Variants in MLPH observed in about 807,000 individuals in gnomAD.
MLPH encodes the protein exophilin-3.
In MLPH, 51 loss-of-function variants were observed where a neutral mutation model predicts 72.1. That is an observed-to-expected ratio of 0.71 (90% CI 0.56 to 0.89). MLPH has a LOEUF of 0.89. Ranked by LOEUF, MLPH falls within the 40% of genes least tolerant of loss-of-function variation. The pLI is 0.00. For missense variants in MLPH, 743 were observed against 759.9 expected, an observed-to-expected ratio of 0.98 and a Z score of 0.26; for synonymous variants, 301 against 310.1, an observed-to-expected ratio of 0.97 and a Z score of 0.31.
chr2:237,513,097 G>A (rs1365337417), intron 4 of MLPH, among the ~76,000 whole-genome samples: 1 of 139,954 alleles, frequency 7.1e-6, no homozygotes, highest in African/African-American at 2.9e-5. Flanking sequence ...GGAAAGCTGT[G>A]CCTTTAAAAA....
intron 4 of MLPH, among the ~76,000 whole-genome samples, chr2:237,517,296 TGGATGGATGGATGAAC>T (rs2080058190): frequency 1.3e-5 from 2 of 148,740 alleles, no homozygotes; most frequent in South Asian, 2.1e-4. Context: ...CATGGATGCA[TGGATGGATGGATGAAC>T]GGATGGATGG....
chr2:237,527,522 G>C lies in MLPH; in HGVS notation c.1020+6G>C. ...GGGCGTCTTCTGAGAGTCAGGTAAC[G>C]GTGGCTGGAAAGACTTCTGTCTTGT... On this transcript the variant is annotated splice_donor_region_variant and intron_variant, in intron 8 of 15. Coordinates refer to ENST00000264605, the MANE Select transcript of MLPH (RefSeq NM_024101.7). 6.2e-7 allele frequency: 1 copy of C among 1,614,072 alleles called. No homozygotes were observed. Among genetic ancestry groups the C allele is most frequent in the East Asian group, 2.2e-5 (1 of 44,886 alleles).
rs1040171931 is a variant in MLPH, at chr2:237,510,583, G to C, written c.120G>C (p.Lys40Asn). Reference sequence around the variant, plus strand: ...CTGATATTTTCCCAAGGGCGTTGAAGGGCAAGATTAAGAAGGAAAGCTCCA... The same window carrying C: ...CTGATATTTTCCCAAGGGCGTTGAACGGCAAGATTAAGAAGGAAAGCTCCA... ...RKEEERLEALKGKIKKESSKR... is the reference protein window; with the variant it reads ...RKEEERLEALNGKIKKESSKR... Residue 40 changes from lysine (K) to asparagine (N), a missense_variant, in exon 3 of 16, where the codon AAG (lysine) becomes AAC (asparagine). Transcript: ENST00000264605. The surrounding 1 kb of genome is among the most constrained non-coding windows in gnomAD (Gnocchi z 4.4). The C allele has an allele frequency of 3.1e-6, 5 of 1,613,114 alleles. No homozygotes were observed. The South Asian group carries it at 5.5e-5, about 18-fold the overall frequency.
intron 4 of MLPH, among the ~76,000 whole-genome samples, chr2:237,517,288 T>A (rs575971866): frequency 6.7e-6 from 1 of 149,424 alleles, no homozygotes; most frequent in South Asian, 2.2e-4. Context: ...GGTGGATGCA[T>A]GGATGCATGG....
chr2:237,523,853 T>A (rs1329370812), intron 6 of MLPH, among the ~76,000 whole-genome samples: 1 of 152,104 alleles, frequency 6.6e-6, no homozygotes, highest in Non-Finnish European at 1.5e-5. Flanking sequence ...GCAAGATTAG[T>A]AAGATTTGCT....
chr2:237,525,915 G>T lies in MLPH; in HGVS notation c.880+110G>T, dbSNP rs898417876. 4.3e-5 allele frequency: 47 copies of T among 1,093,738 alleles called. No individual in the cohort carries two copies. The African/African-American group carries it at 6.2e-4, about 14-fold the overall frequency. The allele number at this position is 1,093,738 out of a possible 1,614,324, so 67.8% of individuals were successfully genotyped here. On this transcript the variant is annotated intron_variant, in intron 7 of 15. Coordinates refer to ENST00000264605, the MANE Select transcript of MLPH (RefSeq NM_024101.7). The stretch of plus-strand genomic sequence containing the variant: ...TCCAACACACGGGCTGATTTGAAAG[G>T]CCCCTTCCTTTGGCGTGATTGTCCG...
intron 5 of MLPH, among the ~76,000 whole-genome samples, chr2:237,519,302 T>G (rs1205890730): frequency 6.6e-6 from 1 of 152,130 alleles, no homozygotes; most frequent in East Asian, 1.9e-4. Context: ...ACCAACTCTT[T>G]GCGGCTGCTG....
At chr2:237,527,554 T>G (rs2080331937) in intron 8 of MLPH, 38 bp downstream of exon 8, 1 of 1,613,474 alleles carries the variant, frequency 6.2e-7, no homozygotes, top group Non-Finnish European at 8.5e-7. Flanking sequence ...TTGTCGTTTC[T>G]TTGGGTGGAG....
Position 237,528,123 on chromosome 2 carries a change from CAG to C in MLPH, c.1020+608_1020+609del, listed in dbSNP as rs374104102. On this transcript the variant is annotated intron_variant, in intron 8 of 15. Coordinates refer to ENST00000264605, the MANE Select transcript of MLPH (RefSeq NM_024101.7). ...AATAGTAGTCACCAGGGGCTGGGGTCAGGGGGATGGGAATTAGTGTTGAATGG... is the reference window on the plus strand; with the variant it reads ...AATAGTAGTCACCAGGGGCTGGGGTCGGGGATGGGAATTAGTGTTGAATGG... Among the ~76,000 whole-genome samples, 156 of 152,174 alleles carry C rather than the reference CAG, an allele frequency of 1.0e-3. 1 individual carries two copies. In the East Asian group the frequency reaches 0.024, roughly 23 times the overall value.
intron 4 of MLPH, among the ~76,000 whole-genome samples, chr2:237,517,759 GGA>G (rs2080081396): frequency 7.8e-6 from 1 of 128,268 alleles, no homozygotes; most frequent in South Asian, 2.5e-4. Flanking sequence ...ATGGATGGAT[GGA>G]TGGATAAGTA....
chr2:237,547,790 G>A (rs2080949472), intron 13 of MLPH, among the ~76,000 whole-genome samples: 1 of 150,614 alleles, frequency 6.6e-6, no homozygotes. Context: ...GTGTTCAGGT[G>A]GAGTGGTTAG....
At chr2:237,538,616 G>T (rs1396347963) in intron 9 of MLPH, among the ~76,000 whole-genome samples, 1 of 152,210 alleles carries the variant, frequency 6.6e-6, no homozygotes, top group African/African-American at 2.4e-5. Flanking sequence ...AAGCCTGTCT[G>T]CCTGGTGTTC....
chr2:237,491,186 G>A (rs1402638113), intron 1 of MLPH, among the ~76,000 whole-genome samples: 1 of 152,200 alleles, frequency 6.6e-6, no homozygotes, highest in Non-Finnish European at 1.5e-5. Flanking sequence ...AGCACTGATG[G>A]GAGATGCTTC....
In MLPH at chr2:237,510,299, C is replaced by T; in HGVS notation, c.111-275C>T. 4.0e-6 allele frequency: 2 copies of T among 504,780 alleles called. No individual in the cohort carries two copies. The highest frequency in any genetic ancestry group is 4.1e-5 in the South Asian group (2 of 48,232). The allele number at this position is 504,780 out of a possible 1,614,324, so 31.3% of individuals were successfully genotyped here. On this transcript the variant is annotated intron_variant, in intron 2 of 15. Coordinates refer to ENST00000264605, the MANE Select transcript of MLPH (RefSeq NM_024101.7). This position sits in a 1 kb window ranked among gnomAD's most constrained non-coding sequence, Gnocchi z 4.4. ...CAAAATTGGTACAATTGTAAACAGC[C>T]ACAGAAATGCTTAAATGCAATATCA... is the stretch of plus-strand genomic sequence containing the variant.
intron 15 of MLPH, 32 bp from the exon 16 acceptor site, chr2:237,553,534 C>T (rs766763800): frequency 1.2e-6 from 2 of 1,609,124 alleles, no homozygotes; most frequent in Admixed American, 1.7e-5. Context: ...TATGTGTGTG[C>T]TTATATGTGC....
chr2:237,509,548 CTT>C (rs879586022), intron 2 of MLPH, among the ~76,000 whole-genome samples: 4 of 152,202 alleles, frequency 2.6e-5, no homozygotes, highest in Non-Finnish European at 5.9e-5. Flanking sequence ...GGGACAAAGA[CTT>C]TACCTTGTCA....
intron 7 of MLPH, 101 bp from the exon 8 acceptor site, chr2:237,527,276 C>G: frequency 6.9e-7 from 1 of 1,450,938 alleles, no homozygotes; most frequent in Non-Finnish European, 9.7e-7. Flanking sequence ...ATCCTTATGT[C>G]TTCATTTTCT....
intron 1 of MLPH, among the ~76,000 whole-genome samples, chr2:237,490,352 T>A (rs1403107491): frequency 1.3e-5 from 2 of 151,710 alleles, no homozygotes; most frequent in East Asian, 3.9e-4. Context: ...AAGAAAACCA[T>A]TTGAAAGGGG....
chr2:237,488,780 G>A (rs986490552), intron 1 of MLPH, among the ~76,000 whole-genome samples: 1 of 152,206 alleles, frequency 6.6e-6, no homozygotes, highest in African/African-American at 2.4e-5. Context: ...TGGAGGTGGT[G>A]GAAGTGTCCC....
Sources: gnomAD v4.1 joint callset for allele counts (sites outside exome capture counted in the v4.1 genomes callset) on GRCh38, gnomAD v4.1.1 for gene constraint, Gnocchi (gnomAD v3.1) non-coding constraint, MANE v1.5 for transcripts, NCBI Gene and HGNC (gene_info 2026-07-23, HGNC 2026-07-21) for gene names.